EYA1: variants seen among roughly 807,000 people sequenced by gnomAD.
The protein encoded by EYA1 is EYA transcriptional coactivator and phosphatase 1.
Under a neutral mutation model 82.0 loss-of-function variants are expected in EYA1, and 16 were observed. That is an observed-to-expected ratio of 0.20 (90% CI 0.13 to 0.30). The LOEUF (loss-of-function observed/expected upper bound fraction) is 0.30, where lower values mean the gene tolerates loss of function less well. Ranked by LOEUF, EYA1 falls within the 10% of genes least tolerant of loss-of-function variation. The pLI, the probability that EYA1 is intolerant of heterozygous loss-of-function variation, is 1.00. For synonymous variants in EYA1, 261 were observed against 264.4 expected, an observed-to-expected ratio of 0.99 and a Z score of 0.12; for missense variants, 633 against 730.7, an observed-to-expected ratio of 0.87 and a Z score of 1.54.
intron 2 of EYA1, among the ~76,000 whole-genome samples, chr8:71,520,871 CAT>C (rs1296127149): frequency 2.6e-5 from 4 of 152,092 alleles, no homozygotes; most frequent in Admixed American, 6.5e-5. Context: ...AAAGTTAACA[CAT>C]GTCATTTTAA....
chr8:71,303,167 C>T (rs1404993514), intron 7 of EYA1, among the ~76,000 whole-genome samples: 1 of 142,140 alleles, frequency 7.0e-6, no homozygotes, highest in Admixed American at 7.0e-5. Context: ...TTGAAATCCG[C>T]TTTCTCAGAA....
intron 12 of EYA1, among the ~76,000 whole-genome samples, chr8:71,223,230 G>T (rs562301438): frequency 6.6e-6 from 1 of 152,280 alleles, no homozygotes; most frequent in Non-Finnish European, 1.5e-5. Flanking sequence ...CACCGTCATG[G>T]CAGGGGAAGC....
At position 71,199,429 on chromosome 8, in the gene EYA1, G is replaced by C. The variant is rs1585717611; in HGVS notation, c.1699-9C>G. 1 of 1,608,714 alleles carries C rather than the reference G, an allele frequency of 6.2e-7. No individual in the cohort carries two copies. The highest frequency in any genetic ancestry group is 1.3e-5 in the African/African-American group (1 of 74,846). On this transcript the variant is annotated splice_polypyrimidine_tract_variant and intron_variant, in intron 17 of 17. Coordinates refer to ENST00000340726, the MANE Select transcript of EYA1 (RefSeq NM_000503.6). ...CAGAAGGGCATCGCGTGCTGCAGCA[G>C]AGGCACACATACATGTGAGGACAGA...
intron 2 of EYA1, among the ~76,000 whole-genome samples, chr8:71,369,207 A>G (rs984935048): frequency 4.0e-5 from 6 of 151,678 alleles, no homozygotes; most frequent in African/African-American, 1.5e-4. Flanking sequence ...CGTCTCAAAA[A>G]AAAAAAAAAA....
Position 71,375,731 on chromosome 8 carries a change from C to T in EYA1, c.34-19220G>A, listed in dbSNP as rs569176230. Among the ~76,000 whole-genome samples, 392 of 152,120 alleles carry T rather than the reference C, an allele frequency of 2.6e-3. 2 individuals are homozygous for T. Among genetic ancestry groups the T allele is most frequent in the African/African-American group, 8.9e-3 (368 of 41,494 alleles). ...GCAACTTCTGCCTCCTGGGTTCAAG[C>T]GATTCTCCTGGCTCAGCCTCCCAAG... On this transcript the variant is annotated intron_variant, in intron 2 of 18. Transcript: ENST00000643681.
intron 2 of EYA1, among the ~76,000 whole-genome samples, chr8:71,494,013 A>C (rs1811217767): frequency 9.3e-6 from 1 of 107,702 alleles, no homozygotes; most frequent in Non-Finnish European, 1.8e-5. Context: ...ACAGAGCGAG[A>C]CTCCGTCTCA....
At position 71,266,162 on chromosome 8, in the gene EYA1, C is replaced by G. The variant is rs542696338; in HGVS notation, c.1050+3578G>C. 5.3e-5 allele frequency among the ~76,000 whole-genome samples: 8 copies of G among 152,338 alleles called. No individual in the cohort carries two copies. The South Asian group carries it at 1.2e-3, about 24-fold the overall frequency. ...GTATCTGGTTCCCTTAGAGACAGAA[C>G]AGCGATCACATTGTCAGGCATTCAT... On this transcript the variant is annotated intron_variant, in intron 11 of 17. Transcript: ENST00000340726.
chr8:71,370,281 G>T (rs1828003739), intron 2 of EYA1, among the ~76,000 whole-genome samples: 1 of 151,236 alleles, frequency 6.6e-6, no homozygotes, highest in Admixed American at 6.6e-5. Flanking sequence ...TTCAAATTTT[G>T]CACCTTTTAG....
chr8:71,527,305 C>T (rs1407975395), intron 2 of EYA1, among the ~76,000 whole-genome samples: 1 of 152,148 alleles, frequency 6.6e-6, no homozygotes, highest in Non-Finnish European at 1.5e-5. Flanking sequence ...CCTTGGTGAC[C>T]ACCACACATT....
intron 12 of EYA1, among the ~76,000 whole-genome samples, chr8:71,240,520 TCA>T (rs1812354207): frequency 6.6e-6 from 1 of 152,242 alleles, no homozygotes; most frequent in African/African-American, 2.4e-5. Context: ...TGCCACCATC[TCA>T]CAGACACGAG....
intron 2 of EYA1, among the ~76,000 whole-genome samples, chr8:71,479,475 C>T (rs186773545): frequency 6.6e-6 from 1 of 152,070 alleles, no homozygotes; most frequent in East Asian, 1.9e-4. Context: ...TATTGCCCAC[C>T]CCCCAGGCTG....
chr8:71,529,220 G>C lies in EYA1; in HGVS notation c.33+6524C>G, dbSNP rs187934624. Reference sequence around the variant, plus strand: ...TGCCTAATTGCCTTCCCAAGTTCAAGTTATTATCTATTTGCTGAGTACCCA... The same window carrying C: ...TGCCTAATTGCCTTCCCAAGTTCAACTTATTATCTATTTGCTGAGTACCCA... On this transcript the variant is annotated intron_variant, in intron 2 of 18. Transcript: ENST00000643681. 5.4e-4 allele frequency among the ~76,000 whole-genome samples: 82 copies of C among 152,226 alleles called. No individual in the cohort carries two copies. The South Asian group carries it at 8.9e-3, about 17-fold the overall frequency.
At chr8:71,412,002 G>A (rs1289104697) in intron 2 of EYA1, among the ~76,000 whole-genome samples, 2 of 151,960 alleles carry the variant, frequency 1.3e-5, no homozygotes, top group African/African-American at 2.4e-5. Context: ...ACGATAGACT[G>A]CATTAAGAAA....
At chr8:71,293,351 A>C (rs1393874518) in intron 9 of EYA1, among the ~76,000 whole-genome samples, 3 of 152,206 alleles carry the variant, frequency 2.0e-5, no homozygotes, top group Non-Finnish European at 2.9e-5. Flanking sequence ...ATTTCATCAA[A>C]TACTTAAGAA....
chr8:71,423,321 C>T (rs73687711), intron 2 of EYA1, among the ~76,000 whole-genome samples: 5,827 of 152,208 alleles, frequency 0.038, 375 homozygotes, highest in African/African-American at 0.13. Context: ...CCAACAACAA[C>T]GGTACACATA....
intron 2 of EYA1, among the ~76,000 whole-genome samples, chr8:71,457,075 A>G (rs973068381): frequency 5.3e-5 from 8 of 152,212 alleles, no homozygotes; most frequent in Non-Finnish European, 1.0e-4. Context: ...AAAAAAACAA[A>G]CAACCCCATC....
At chr8:71,424,357 T>C (rs184509999) in intron 2 of EYA1, among the ~76,000 whole-genome samples, 24 of 152,350 alleles carry the variant, frequency 1.6e-4, no homozygotes, top group African/African-American at 5.8e-4. Context: ...ATAAAGTATG[T>C]AAGAAAATAG....
At chr8:71,385,437 A>G (rs1428842355) in intron 2 of EYA1, among the ~76,000 whole-genome samples, 1 of 152,160 alleles carries the variant, frequency 6.6e-6, no homozygotes, top group Non-Finnish European at 1.5e-5. Context: ...AAAAAGAGTT[A>G]AGAAAACAAG....
intron 2 of EYA1, among the ~76,000 whole-genome samples, chr8:71,477,025 G>A (rs79070434): frequency 0.017 from 2,656 of 152,092 alleles, 54 homozygotes; most frequent in African/African-American, 0.061. Context: ...ATATCCTCAT[G>A]CAAAAGAATA....
Sources: gnomAD v4.1 joint callset for allele counts (sites outside exome capture counted in the v4.1 genomes callset) on GRCh38, gnomAD v4.1.1 for gene constraint, MANE v1.5 for transcripts, NCBI Gene and HGNC (gene_info 2026-07-23, HGNC 2026-07-21) for gene names.